Variants in GLIS3 observed in about 807,000 individuals in gnomAD.
GLIS3 encodes GLIS family zinc finger 3.
Under a neutral mutation model 78.6 loss-of-function variants are expected in GLIS3, and 53 were observed. That is an observed-to-expected ratio of 0.67 (90% confidence interval 0.54 to 0.85). GLIS3 has a LOEUF of 0.85. GLIS3 is among the 40% of genes least tolerant of loss of function. GLIS3 has a pLI of 0.00. For missense variants in GLIS3, 1,703 were observed against 1,231.1 expected (o/e 1.38, Z -5.74); for synonymous variants, 684 against 509.9 (o/e 1.34, Z -4.60).
chr9:4,296,903 C>CAAAAAAAAAAAAAA (rs71324297), intron 1 of GLIS3, among the ~76,000 whole-genome samples: 1 of 114,172 alleles, frequency 8.8e-6, no homozygotes, highest in Non-Finnish European at 1.8e-5. Context: ...TTCTCAATTG[C>CAAAAAAAAAAAAAA]AAAAAAAAAA....
chr9:3,988,842 G>C (rs1165394238), intron 4 of GLIS3, among the ~76,000 whole-genome samples: 3 of 152,180 alleles, frequency 2.0e-5, no homozygotes, highest in Admixed American at 2.0e-4. Flanking sequence ...CAAATTGTTA[G>C]GATTTAGAGT....
chr9:4,220,550 G>A (rs957420192), intron 2 of GLIS3, among the ~76,000 whole-genome samples: 1 of 152,032 alleles, frequency 6.6e-6, no homozygotes, highest in African/African-American at 2.4e-5. Context: ...TATATAGCCT[G>A]GGCCTCACCA....
intron 4 of GLIS3, among the ~76,000 whole-genome samples, chr9:3,967,028 A>AAAAAAC (rs1433123913): frequency 4.2e-5 from 6 of 141,996 alleles, no homozygotes; most frequent in African/African-American, 1.7e-4. Flanking sequence ...AAAAAAAAAA[A>AAAAAAC]AAAAACAAAA....
chr9:3,849,266 T>C (rs1311248117), intron 9 of GLIS3, among the ~76,000 whole-genome samples: 3 of 152,224 alleles, frequency 2.0e-5, no homozygotes, highest in African/African-American at 7.2e-5. Context: ...AGTCCCATTT[T>C]ACAGATTAGA....
In GLIS3 at chr9:4,286,182, G is replaced by A. The variant is rs754979798; in HGVS notation, c.244C>T (p.Pro82Ser). ...ATTTGTCTCCTGGGGCTTAAGGCAG[G>A]CAGATGGATGCGGCTCTCAGCCACG... Reference protein sequence around the residue: ...NNVAESRIHLPALSPRRQMLT... With the variant: ...NNVAESRIHLSALSPRRQMLT... The change falls in exon 2 of 11, where the codon CCT (proline) becomes TCT (serine). Residue 82 changes from proline to serine, a missense_variant. Physicochemically the swap from Pro to Ser is moderately conservative, Grantham distance 74. Transcript: ENST00000381971. 8.7e-6 allele frequency: 14 copies of A among 1,614,228 alleles called. No individual in the cohort carries two copies. In the South Asian group the frequency reaches 1.3e-4, roughly 15 times the overall value.
At chr9:3,894,454 A>G (rs1166624462) in intron 7 of GLIS3, among the ~76,000 whole-genome samples, 1 of 152,118 alleles carries the variant, frequency 6.6e-6, no homozygotes, top group Non-Finnish European at 1.5e-5. Context: ...TACTCAATTT[A>G]AGAATGTAGA....
the GLIS3 span, among the ~76,000 whole-genome samples, chr9:4,375,282 T>C: frequency 6.6e-6 from 1 of 152,144 alleles, no homozygotes; most frequent in African/African-American, 2.4e-5. Flanking sequence ...TCAGTAGAAG[T>C]AAAGGAGATC....
At chr9:3,999,514 A>C (rs1820978639) in intron 4 of GLIS3, among the ~76,000 whole-genome samples, 1 of 152,142 alleles carries the variant, frequency 6.6e-6, no homozygotes, top group African/African-American at 2.4e-5. Context: ...ACAATAATGA[A>C]AATTTATAAT....
At chr9:4,397,018 T>TTTTTC in the GLIS3 span, among the ~76,000 whole-genome samples, 321 of 139,624 alleles carry the variant, frequency 2.3e-3, 5 homozygotes, top group African/African-American at 8.1e-3. Context: ...CCTTTTTTCT[T>TTTTTC]TTTTTCTTTT....
At chr9:4,349,496 G>T (rs1245961158), upstream of GLIS3, among the ~76,000 whole-genome samples, 1 of 152,112 alleles carries the variant, frequency 6.6e-6, no homozygotes, top group Non-Finnish European at 1.5e-5. Context: ...AGTAGAAAAA[G>T]AGAATGGAAA....
chr9:4,375,771 G>T, the GLIS3 span, among the ~76,000 whole-genome samples: 278 of 152,200 alleles, frequency 1.8e-3, 2 homozygotes, highest in African/African-American at 6.4e-3. Context: ...GTGCGAGTGG[G>T]AAAGTTTTAG....
intron 2 of GLIS3, among the ~76,000 whole-genome samples, chr9:4,252,255 G>A (rs953570840): frequency 3.9e-5 from 6 of 152,074 alleles, no homozygotes; most frequent in African/African-American, 1.4e-4. Flanking sequence ...TCAAATGTAG[G>A]TTTGGTCTTT....
At chr9:4,087,043 C>T (rs994483781) in intron 4 of GLIS3, among the ~76,000 whole-genome samples, 7 of 152,268 alleles carry the variant, frequency 4.6e-5, no homozygotes, top group Admixed American at 3.9e-4. Flanking sequence ...AATTGTTTAA[C>T]TGAGTTGGAC....
chr9:4,326,122 G>A (rs756550398), intron 2 of GLIS3, among the ~76,000 whole-genome samples: 1 of 152,086 alleles, frequency 6.6e-6, no homozygotes, highest in Non-Finnish European at 1.5e-5. Context: ...CTAGGTGATG[G>A]GTTGATCTGT....
At chr9:3,987,422 C>A (rs1410569848) in intron 4 of GLIS3, among the ~76,000 whole-genome samples, 3 of 152,044 alleles carry the variant, frequency 2.0e-5, no homozygotes, top group African/African-American at 7.2e-5. Flanking sequence ...AAATAATGGG[C>A]TGGGTGCAGT....
the GLIS3 span, among the ~76,000 whole-genome samples, chr9:4,453,016 A>G: frequency 6.6e-6 from 1 of 152,152 alleles, no homozygotes; most frequent in African/African-American, 2.4e-5. Flanking sequence ...CCACACATCT[A>G]CCACCATCTG....
In GLIS3 at chr9:4,125,834, G is replaced by C. The variant is rs141467694; in HGVS notation, c.496C>G (p.Pro166Ala). Residue 166 changes from proline to alanine, a missense_variant, in exon 3 of 11, where the codon CCT becomes GCT. Pro to Ala is a conservative substitution (Grantham distance 27). Transcript: ENST00000381971. ...GCTGTAGAGACCTGGCTTGCTGGAG[G>C]TGAAATGAGTCCCAGTCGCTGAACC... ...MMVQRLGLIS[P>A]PASQVSTACN... The C allele has an allele frequency of 2.3e-4, 370 of 1,614,104 alleles. 1 individual carries two copies. In the African/African-American group the frequency reaches 4.5e-3, roughly 19 times the overall value.
At chr9:4,097,312 T>G (rs1830030866) in intron 4 of GLIS3, among the ~76,000 whole-genome samples, 1 of 152,038 alleles carries the variant, frequency 6.6e-6, no homozygotes, top group Non-Finnish European at 1.5e-5. Flanking sequence ...GAGTCTCTGC[T>G]TGAGTGAAGA....
chr9:4,015,746 G>T (rs571444060), intron 4 of GLIS3, among the ~76,000 whole-genome samples: 1 of 151,898 alleles, frequency 6.6e-6, no homozygotes, highest in Non-Finnish European at 1.5e-5. Context: ...AGTATTAGTC[G>T]AGAGTGGTGG....
Sources: gnomAD v4.1 joint callset for allele counts (sites outside exome capture counted in the v4.1 genomes callset) on GRCh38, gnomAD v4.1.1 for gene constraint, MANE v1.5 for transcripts, NCBI Gene and HGNC (gene_info 2026-07-23, HGNC 2026-07-21) for gene names.